Variants in ACAP2 observed in about 807,000 individuals in gnomAD.
The protein encoded by ACAP2 is ArfGAP with coiled-coil, ankyrin repeat and PH domains 2, also known as arf-GAP with coiled-coil, ANK repeat and PH domain-containing protein 2.
In ACAP2, 39 loss-of-function variants were observed where a neutral mutation model predicts 115.8. The ratio of observed to expected loss-of-function variants is 0.34; its 90% CI spans 0.26 to 0.44. The LOEUF (loss-of-function observed/expected upper bound fraction) is 0.44, where lower values mean the gene tolerates loss of function less well. ACAP2 is among the 20% of genes least tolerant of loss of function. The pLI is 1.00. For missense variants in ACAP2, 662 were observed against 927.6 expected (o/e 0.71, Z 3.72); for synonymous variants, 289 against 315.8 (o/e 0.92, Z 0.90).
intron 3 of ACAP2, among the ~76,000 whole-genome samples, chr3:195,381,483 A>G (rs1733934784): frequency 1.3e-5 from 2 of 152,162 alleles, no homozygotes. Context: ...AAGCTAACCG[A>G]GCATAAGCTG....
intron 4 of ACAP2, among the ~76,000 whole-genome samples, chr3:195,363,254 C>G (rs1040173329): frequency 1.3e-5 from 2 of 152,138 alleles, no homozygotes; most frequent in African/African-American, 4.8e-5. Context: ...AAGATCTCCA[C>G]AATTAAAACT....
intron 1 of ACAP2, among the ~76,000 whole-genome samples, chr3:195,436,148 A>C (rs1484233876): frequency 1.4e-5 from 2 of 145,366 alleles, no homozygotes; most frequent in Non-Finnish European, 3.0e-5. Context: ...TTTTTTTTGG[A>C]GACAAAGTCC....
At chr3:195,437,978 A>G (rs73208931) in intron 1 of ACAP2, among the ~76,000 whole-genome samples, 34,032 of 145,690 alleles carry the variant, frequency 0.23, 4,757 homozygotes, top group East Asian at 0.71. Context: ...CGACCTCACA[A>G]AGTGCTGGGA....
At chr3:195,285,902 A>G (rs1726815097) in intron 21 of ACAP2, 45 bp from the exon 22 acceptor site, 4 of 1,357,122 alleles carry the variant, frequency 2.9e-6, no homozygotes, top group Non-Finnish European at 4.1e-6. Context: ...TATATAATAT[A>G]AATGTCATAA....
At chr3:195,429,771 C>T (rs1299457309) in intron 1 of ACAP2, among the ~76,000 whole-genome samples, 1 of 152,054 alleles carries the variant, frequency 6.6e-6, no homozygotes, top group African/African-American at 2.4e-5. Flanking sequence ...GAAACCATTG[C>T]CTAATTCAAG....
chr3:195,392,179 C>A, intron 1 of ACAP2, 32 bp from the exon 2 acceptor site: 1 of 1,556,898 alleles, frequency 6.4e-7, no homozygotes, highest in Non-Finnish European at 8.8e-7. Context: ...TAAGTTATTT[C>A]GTTTGTTTAA....
chr3:195,424,259 G>GTATATA (rs1361970190), intron 1 of ACAP2, among the ~76,000 whole-genome samples: 2 of 64,180 alleles, frequency 3.1e-5, no homozygotes, highest in African/African-American at 1.2e-4. Context: ...GTGTGTGTGT[G>GTATATA]TGTATATATA....
chr3:195,390,245 T>G (rs746798714), intron 2 of ACAP2, among the ~76,000 whole-genome samples: 1 of 152,118 alleles, frequency 6.6e-6, no homozygotes, highest in Non-Finnish European at 1.5e-5. Context: ...TCTTCTACTT[T>G]GTGATTTGAA....
chr3:195,433,073 T>C (rs1233561910), intron 1 of ACAP2, among the ~76,000 whole-genome samples: 1 of 152,166 alleles, frequency 6.6e-6, no homozygotes, highest in East Asian at 1.9e-4. Flanking sequence ...CCATAGGACA[T>C]TGGTTCCAGG....
intron 1 of ACAP2, among the ~76,000 whole-genome samples, chr3:195,393,897 A>T (rs1248874281): frequency 2.1e-5 from 3 of 145,886 alleles, no homozygotes; most frequent in Non-Finnish European, 4.5e-5. Context: ...GGGGGGGGGA[A>T]GCAAGCTACA....
chr3:195,292,520 A>G (rs1278687029), intron 18 of ACAP2, 68 bp from the exon 19 acceptor site: 2 of 1,452,374 alleles, frequency 1.4e-6, no homozygotes, highest in Admixed American at 2.3e-5. Context: ...ATTATTTAAT[A>G]GGTAGAGTTT....
chr3:195,339,856 C>T (rs1167191666), intron 6 of ACAP2, among the ~76,000 whole-genome samples: 1 of 152,094 alleles, frequency 6.6e-6, no homozygotes, highest in Non-Finnish European at 1.5e-5. Flanking sequence ...TCTCAAAAAA[C>T]ATTTACTACA....
intron 1 of ACAP2, among the ~76,000 whole-genome samples, chr3:195,411,983 C>T (rs374445728): frequency 6.7e-6 from 1 of 150,286 alleles, no homozygotes; most frequent in African/African-American, 2.4e-5. Context: ...CATCACTTAC[C>T]ACACAGACCT....
At chr3:195,328,678 T>A (rs911636687) in intron 8 of ACAP2, among the ~76,000 whole-genome samples, 4 of 152,234 alleles carry the variant, frequency 2.6e-5, no homozygotes, top group African/African-American at 9.6e-5. Flanking sequence ...CAGACTGAAA[T>A]GCAGTACAAG....
At chr3:195,442,643 G>T in intron 1 of ACAP2, 152 bp downstream of exon 1, 1 of 749,502 alleles carries the variant, frequency 1.3e-6, no homozygotes, top group Non-Finnish European at 2.1e-6. Flanking sequence ...GGACTGCAGT[G>T]CCCTCGCAGG....
intron 1 of ACAP2, among the ~76,000 whole-genome samples, chr3:195,406,242 T>C (rs1712758862): frequency 6.6e-6 from 1 of 152,144 alleles, no homozygotes; most frequent in African/African-American, 2.4e-5. Flanking sequence ...ATTTATTTTC[T>C]ATCAATAAGT....
chr3:195,379,452 T>A (rs1418351699), intron 4 of ACAP2, among the ~76,000 whole-genome samples: 3 of 151,920 alleles, frequency 2.0e-5, no homozygotes, highest in Admixed American at 2.0e-4. Flanking sequence ...GTAAAACAAG[T>A]GTAAGTCAAC....
Position 195,277,413 on chromosome 3 carries a change from T to C in ACAP2, c.*1915A>G, listed in dbSNP as rs980031413. On this transcript the variant is annotated 3_prime_UTR_variant, in exon 23 of 23. Transcript: ENST00000326793. ...AGATTTAATGTTCCTGTTATTGTTATAATTAAATACAATGCTGTGGAAGTT... is the reference window on the plus strand; with the variant it reads ...AGATTTAATGTTCCTGTTATTGTTACAATTAAATACAATGCTGTGGAAGTT... 9 of 152,360 alleles carry C rather than the reference T, an allele frequency of 5.9e-5. No individual in the cohort carries two copies. The highest frequency in any genetic ancestry group is 1.9e-4 in the East Asian group (1 of 5,190). The allele number at this position is 152,360 out of a possible 1,614,324, so 9.4% of individuals were successfully genotyped here. A position where few individuals can be genotyped will look rare whatever the true frequency, so the allele number is the denominator to read the frequency against.
chr3:195,314,202 T>TGG (rs796575476), intron 10 of ACAP2, among the ~76,000 whole-genome samples: 3 of 151,296 alleles, frequency 2.0e-5, no homozygotes, highest in African/African-American at 4.8e-5. Context: ...TTTTGTTGTT[T>TGG]TTTTTTTTTT....
Sources: allele counts gnomAD v4.1 joint callset (sites outside exome capture counted in the v4.1 genomes callset), GRCh38; gene constraint gnomAD v4.1.1; transcripts MANE v1.5; gene names NCBI Gene and HGNC (gene_info 2026-07-23, HGNC 2026-07-21).